Variants in PPFIA4 observed in about 807,000 individuals in gnomAD.
PPFIA4 encodes the protein PPFI scaffold protein A4.
A neutral mutation model predicts 145.7 loss-of-function variants in PPFIA4; 98 were observed. The ratio of observed to expected loss-of-function variants is 0.67; its 90% CI spans 0.57 to 0.80. The LOEUF (loss-of-function observed/expected upper bound fraction) is 0.80. PPFIA4 is among the 30% of genes least tolerant of loss of function. PPFIA4 has a pLI of 0.00. For missense variants in PPFIA4, 1,457 were observed against 1,632.7 expected (o/e 0.89, Z 1.85); for synonymous variants, 628 against 649.6 (o/e 0.97, Z 0.51).
intron 14 of PPFIA4, among the ~76,000 whole-genome samples, 176 bp downstream of exon 14, chr1:203,052,053 C>CCCACA (rs1553257083): frequency 6.2e-5 from 9 of 145,704 alleles, no homozygotes; most frequent in African/African-American, 1.3e-4. Flanking sequence ...GTGCCCCCCC[C>CCCACA]CCCGCTTGCC....
rs753680400 is a variant in PPFIA4 at position 203,063,951 on chromosome 1, C to T, written c.2998C>T (p.Leu1000Phe). Residue 1000 changes from leucine to phenylalanine, a missense_variant, in exon 25 of 30, where the codon CTC (leucine) becomes TTC (phenylalanine). Around this residue, in one of 3 missense-constraint regions of PPFIA4, gnomAD observed 848 missense variants for 1,046.7 expected, o/e 0.81. Coordinates refer to ENST00000295706, the MANE Select transcript of PPFIA4 (RefSeq NM_001304331.2). The stretch of plus-strand genomic sequence containing the variant: ...GGTGGACGCCCGCATGCTGGACCAC[C>T]TCACCAAGAAGGACCTGCGGGTCCA... ...CLVDARMLDH[L>F]TKKDLRVHLK... The T allele has an allele frequency of 3.1e-6, 5 of 1,614,036 alleles. No homozygotes were observed. In the Admixed American group the frequency reaches 6.7e-5, roughly 22 times the overall value.
Position 203,055,751 on chromosome 1 carries a change from G to C in PPFIA4, c.2070+79G>C. On this transcript the variant is annotated intron_variant, in intron 16 of 29. Coordinates refer to ENST00000295706, the MANE Select transcript of PPFIA4 (RefSeq NM_001304331.2). This position sits in a 1 kb window ranked among gnomAD's most constrained non-coding sequence, Gnocchi z 4.8. ...GGTTTTAAGGGATGGTAGGACTCAC[G>C]TGCTCTCAGCTGGGCCTGCCATCTT... is the stretch of plus-strand genomic sequence containing the variant. 5 of 1,583,064 alleles carry C rather than the reference G, an allele frequency of 3.2e-6. No individual in the cohort carries two copies. In the South Asian group the frequency reaches 5.7e-5, roughly 18 times the overall value.
chr1:203,037,143 C>A, intron 1 of PPFIA4: 1 of 334,766 alleles, frequency 3.0e-6, no homozygotes, highest in South Asian at 2.1e-5. Context: ...GCTCCCTAGT[C>A]TCCCTCTTCC....
rs1349952492 is a variant in PPFIA4 at position 203,078,568 on chromosome 1, C to G, written c.*2178C>G. On this transcript the variant is annotated 3_prime_UTR_variant, in exon 30 of 30. Transcript: ENST00000295706. The stretch of plus-strand genomic sequence containing the variant: ...CATAGTCAATATATTTTTTTTTTGG[C>G]GAGTCACCAGTGACCCGAGCCCTCC... 6.6e-6 allele frequency: 1 copy of G among 151,760 alleles called. No individual in the cohort carries two copies. 9.4% of individuals were successfully genotyped at this position (151,760 alleles called of 1,614,324 possible).
chr1:203,038,962 G>A lies in PPFIA4; in HGVS notation c.-47G>A, dbSNP rs1659491036. On this transcript the variant is annotated 5_prime_UTR_variant, in exon 2 of 30. Coordinates refer to ENST00000295706, the MANE Select transcript of PPFIA4 (RefSeq NM_001304331.2). Reference sequence around the variant, plus strand: ...TCCCCTGGAGGTGCCAACCCTGTGAGTCCCTCCCTGTCCCCTGACGCTGAG... The same window carrying A: ...TCCCCTGGAGGTGCCAACCCTGTGAATCCCTCCCTGTCCCCTGACGCTGAG... The A allele has an allele frequency of 9.3e-7, 1 of 1,080,582 alleles. No homozygotes were observed. The highest frequency in any genetic ancestry group is 1.3e-6 in the Non-Finnish European group (1 of 745,430). 66.9% of individuals were successfully genotyped at this position (1,080,582 alleles called of 1,614,324 possible).
In PPFIA4 at chr1:203,043,306, TG is replaced by T; in HGVS notation, c.235-88del. The stretch of plus-strand genomic sequence containing the variant: ...TGGGGGAGGTGGTGGAAGTAAGGGA[TG>T]GGTGAGAGGATCCCACCACTGACTT... On this transcript the variant is annotated intron_variant, in intron 2 of 29. Coordinates refer to ENST00000295706, the MANE Select transcript of PPFIA4 (RefSeq NM_001304331.2). This position sits in a 1 kb window ranked among gnomAD's most constrained non-coding sequence, Gnocchi z 4.4. 3.7e-6 allele frequency: 4 copies of T among 1,092,594 alleles called. 1 individual carries two copies. The South Asian group carries it at 5.5e-5, about 15-fold the overall frequency. 67.7% of individuals were successfully genotyped at this position (1,092,594 alleles called of 1,614,324 possible).
At chr1:203,065,647 C>T (rs1661685226) in intron 25 of PPFIA4, among the ~76,000 whole-genome samples, 1 of 152,242 alleles carries the variant, frequency 6.6e-6, no homozygotes, top group South Asian at 2.1e-4. Context: ...ATGTGTCTAC[C>T]TGCTTTTATT....
At chr1:203,070,583 C>T (rs1662080718) in intron 27 of PPFIA4, among the ~76,000 whole-genome samples, 2 of 95,234 alleles carry the variant, frequency 2.1e-5, no homozygotes, top group Non-Finnish European at 4.4e-5. Flanking sequence ...CCCTGTCTCC[C>T]TCAAAAAAAA....
Position 203,043,293 on chromosome 1 carries a change from T to C in PPFIA4, c.235-104T>C. On this transcript the variant is annotated intron_variant, in intron 2 of 29. Transcript: ENST00000295706. This position sits in a 1 kb window ranked among gnomAD's most constrained non-coding sequence, Gnocchi z 4.4. ...GATTGGGATTTTGTGGGGGAGGTGG[T>C]GGAAGTAAGGGATGGGTGAGAGGAT... is the stretch of plus-strand genomic sequence containing the variant. 1.0e-6 allele frequency: 1 copy of C among 964,984 alleles called. No homozygotes were observed. Among genetic ancestry groups the C allele is most frequent in the South Asian group, 1.5e-5 (1 of 67,048 alleles). 59.8% of individuals were successfully genotyped at this position (964,984 alleles called of 1,614,324 possible).
At chr1:203,064,088 T>C in intron 25 of PPFIA4, 85 bp downstream of exon 25, 1 of 1,419,828 alleles carries the variant, frequency 7.0e-7, no homozygotes, top group Non-Finnish European at 9.5e-7. Context: ...CAGAGGTGCC[T>C]CCATCTCTTT....
chr1:203,039,440 G>A (rs1275498843), intron 2 of PPFIA4, among the ~76,000 whole-genome samples, 198 bp downstream of exon 2: 1 of 152,240 alleles, frequency 6.6e-6, no homozygotes, highest in Non-Finnish European at 1.5e-5. Flanking sequence ...TGAAATGGAT[G>A]GAATTTGATG....
chr1:203,045,688 A>G lies in PPFIA4; in HGVS notation c.858+129A>G, dbSNP rs889714636. On this transcript the variant is annotated intron_variant, in intron 7 of 29. Transcript: ENST00000295706. ...CTGGCTCCATTGTTGGGGGGCGGTC[A>G]TGGAAGGGGTGGGCCAAAGCCAGAA... 1.1e-5 allele frequency: 16 copies of G among 1,453,620 alleles called. No individual in the cohort carries two copies. In the African/African-American group the frequency reaches 1.7e-4, roughly 15 times the overall value. The allele number at this position is 1,453,620 out of a possible 1,614,324, so 90.0% of individuals were successfully genotyped here.
intron 29 of PPFIA4, 167 bp from the exon 30 acceptor site, chr1:203,076,174 C>G (rs1233298082): frequency 1.3e-6 from 1 of 753,552 alleles, no homozygotes; most frequent in African/African-American, 1.7e-5. Context: ...CGCTCCAGTC[C>G]CGCTTACCAG....
Position 203,072,296 on chromosome 1 carries a change from A to G in PPFIA4, c.3393+536A>G, listed in dbSNP as rs374862372. ...CAGTTAAACACACGCTCGGGCTTTT[A>G]CCATCCCAGCTTTCTCTAGTTTCAC... On this transcript the variant is annotated intron_variant, in intron 28 of 29. Coordinates refer to ENST00000295706, the MANE Select transcript of PPFIA4 (RefSeq NM_001304331.2). Among the ~76,000 whole-genome samples, 11 of 152,242 alleles carry G rather than the reference A, an allele frequency of 7.2e-5. No individual in the cohort carries two copies. The East Asian group carries it at 9.7e-4, about 13-fold the overall frequency.
At chr1:203,047,562 A>C (rs1660173742) in intron 9 of PPFIA4, among the ~76,000 whole-genome samples, 1 of 152,180 alleles carries the variant, frequency 6.6e-6, no homozygotes, top group Non-Finnish European at 1.5e-5. Context: ...CAGAGACAGT[A>C]GGGTCTCCAT....
intron 20 of PPFIA4, among the ~76,000 whole-genome samples, chr1:203,059,516 G>C (rs1233710283): frequency 6.6e-6 from 1 of 152,216 alleles, no homozygotes; most frequent in East Asian, 1.9e-4. Flanking sequence ...TGGCAGGGCA[G>C]ATTGAAATCT....
At chr1:203,029,313 C>T (rs1047518393) in intron 1 of PPFIA4, among the ~76,000 whole-genome samples, 12 of 152,196 alleles carry the variant, frequency 7.9e-5, no homozygotes, top group Non-Finnish European at 1.8e-4. Context: ...AGCCATCTGC[C>T]TTTCACTTGG....
intron 1 of PPFIA4, among the ~76,000 whole-genome samples, chr1:203,027,740 A>C (rs969721058): frequency 2.0e-5 from 3 of 152,216 alleles, no homozygotes; most frequent in Non-Finnish European, 2.9e-5. Flanking sequence ...GGTCTTCTGA[A>C]GGCAATTTAC....
In PPFIA4 at chr1:203,039,146, G is replaced by A. The variant is rs1390607399; in HGVS notation, c.138G>A (p.Glu46=). The A allele has an allele frequency of 6.2e-7, 1 of 1,607,812 alleles. No homozygotes were observed. The highest frequency in any genetic ancestry group is 1.3e-5 in the African/African-American group (1 of 74,834). The change falls in exon 2 of 30, where the codon GAG becomes GAA. Residue 46 remains glutamate (E), a synonymous_variant. Coordinates refer to ENST00000295706, the MANE Select transcript of PPFIA4 (RefSeq NM_001304331.2). The stretch of plus-strand genomic sequence containing the variant: ...AGAAGTTGCTGGAGTCTCTTCGGGA[G>A]AGTCAGGAGACCTTGGCGGCCACAC... The part of the protein sequence containing the change: ...EREKLLESLR[E]SQETLAATQS...
Sources: allele counts gnomAD v4.1 joint callset (sites outside exome capture counted in the v4.1 genomes callset), GRCh38; gene constraint gnomAD v4.1.1; regional missense constraint gnomAD v4.1.1; non-coding constraint Gnocchi (gnomAD v3.1); transcripts MANE v1.5; gene names NCBI Gene and HGNC (gene_info 2026-07-23, HGNC 2026-07-21).